The following MTHFD1L variants were observed in gnomAD, a reference collection of about 807,000 sequenced individuals.
The protein encoded by MTHFD1L is methylenetetrahydrofolate dehydrogenase (NADP+ dependent) 1 like.
In MTHFD1L, 81 loss-of-function variants were observed where a neutral mutation model predicts 119.5. That is an observed-to-expected ratio of 0.68 (90% confidence interval 0.57 to 0.82). MTHFD1L has a LOEUF of 0.82. Among genes scored for constraint, MTHFD1L ranks in the 40% least tolerant of loss-of-function variants. The pLI, the probability that MTHFD1L is intolerant of heterozygous loss-of-function variation, is 0.00. For synonymous variants in MTHFD1L, 430 were observed against 475.2 expected (o/e 0.90, Z 1.24); for missense variants, 1,125 against 1,253.4 (o/e 0.90, Z 1.55).
chr6:150,959,886 C>T (rs976784493), intron 17 of MTHFD1L, among the ~76,000 whole-genome samples: 1 of 152,224 alleles, frequency 6.6e-6, no homozygotes, highest in Non-Finnish European at 1.5e-5. Flanking sequence ...TCCCTGCCGT[C>T]ATGGCACTTA....
At chr6:150,873,572 C>G (rs1052327282) in intron 1 of MTHFD1L, among the ~76,000 whole-genome samples, 5 of 152,074 alleles carry the variant, frequency 3.3e-5, no homozygotes, top group Non-Finnish European at 5.9e-5. Context: ...AATCCTGGGC[C>G]GTATTTCCAC....
chr6:151,053,934 G>A (rs1012720753), intron 26 of MTHFD1L, among the ~76,000 whole-genome samples: 3 of 151,320 alleles, frequency 2.0e-5, no homozygotes, highest in African/African-American at 7.3e-5. Context: ...AACGGTAACT[G>A]ACTTTTTGTT....
intron 26 of MTHFD1L, among the ~76,000 whole-genome samples, chr6:151,044,161 A>G (rs1258411543): frequency 6.6e-6 from 1 of 152,100 alleles, no homozygotes; most frequent in Admixed American, 6.5e-5. Context: ...TGGAGGTCCC[A>G]GCAGCTTAGG....
At chr6:151,047,174 A>G (rs530390506) in intron 26 of MTHFD1L, among the ~76,000 whole-genome samples, 3 of 152,326 alleles carry the variant, frequency 2.0e-5, no homozygotes, top group South Asian at 4.1e-4. Context: ...AGTCTAATTG[A>G]TAGGAAAAAG....
rs1446558013 is a variant in MTHFD1L, at chr6:151,085,578, C to G, written c.2848-6889C>G. Among the ~76,000 whole-genome samples, 3 of 152,242 alleles carry G rather than the reference C, an allele frequency of 2.0e-5. No individual in the cohort carries two copies. The East Asian group carries it at 5.8e-4, about 29-fold the overall frequency. ...CTGAGGTCAGGAGTTTGAGACCAGC[C>G]TGGCCAACATGGCAAAACCCCATCT... is the stretch of plus-strand genomic sequence containing the variant. On this transcript the variant is annotated intron_variant, in intron 26 of 27. Coordinates refer to ENST00000367321, the MANE Select transcript of MTHFD1L (RefSeq NM_015440.5).
At chr6:150,974,724 CTTT>C (rs58490721) in intron 20 of MTHFD1L, among the ~76,000 whole-genome samples, 7 of 144,706 alleles carry the variant, frequency 4.8e-5, no homozygotes, top group South Asian at 2.2e-4. Flanking sequence ...AATTCTCTTC[CTTT>C]TTTTTTTTTT....
At chr6:150,980,240 C>G (rs1041116242) in intron 20 of MTHFD1L, among the ~76,000 whole-genome samples, 1 of 152,148 alleles carries the variant, frequency 6.6e-6, no homozygotes, top group Non-Finnish European at 1.5e-5. Context: ...GTTTTTCAGC[C>G]CCTGTCTTCA....
intron 26 of MTHFD1L, among the ~76,000 whole-genome samples, chr6:151,072,695 A>G (rs1043571244): frequency 1.2e-4 from 18 of 152,154 alleles, no homozygotes; most frequent in Non-Finnish European, 2.2e-4. Context: ...AGGCTGAGGC[A>G]GGAGGATCAC....
Position 150,926,192 on chromosome 6 carries a change from G to T in MTHFD1L, c.1153G>T (p.Ala385Ser). The change falls in exon 11 of 28, where the codon GCA (alanine) becomes TCA (serine). Residue 385 changes from alanine (A) to serine (S), a missense_variant. By Grantham distance (99) the Ala-to-Ser change is moderately conservative. Transcript: ENST00000367321. This position sits in a 1 kb window ranked among gnomAD's most constrained non-coding sequence, Gnocchi z 4.3. Reference sequence around the variant, plus strand: ...CCTTGCCAAGGAGATTGGATTGCTTGCAGATGAAATTGAAATCTATGGCAA... The same window carrying T: ...CCTTGCCAAGGAGATTGGATTGCTTTCAGATGAAATTGAAATCTATGGCAA... ...DVLAKEIGLL[A>S]DEIEIYGKSK... 3 of 1,614,076 alleles carry T rather than the reference G, an allele frequency of 1.9e-6. No homozygotes were observed. The highest frequency in any genetic ancestry group is 2.5e-6 in the Non-Finnish European group (3 of 1,180,002).
chr6:150,984,972 T>C (rs1778058935), intron 20 of MTHFD1L: 1 of 152,224 alleles, frequency 6.6e-6, no homozygotes, highest in Non-Finnish European at 1.5e-5. Context: ...TGCCATGTGC[T>C]GTCTGTGACC....
At chr6:150,953,511 T>A (rs1403044136) in intron 16 of MTHFD1L, among the ~76,000 whole-genome samples, 1 of 152,124 alleles carries the variant, frequency 6.6e-6, no homozygotes, top group Non-Finnish European at 1.5e-5. Flanking sequence ...AGTGAATAAG[T>A]GTTTCTTATT....
intron 7 of MTHFD1L, among the ~76,000 whole-genome samples, chr6:150,903,339 A>G (rs532371531): frequency 5.3e-4 from 80 of 149,876 alleles, no homozygotes; most frequent in African/African-American, 1.8e-3. Flanking sequence ...ATTTGGCTGC[A>G]AAGTTCTTAG....
At chr6:151,092,621 GT>G (rs1408979297) in intron 27 of MTHFD1L, 34 bp downstream of exon 27, 5 of 1,354,240 alleles carry the variant, frequency 3.7e-6, no homozygotes, top group Non-Finnish European at 3.1e-6. Flanking sequence ...TTCTCTCTTT[GT>G]TTTTTTCCAG....
chr6:151,071,233 GAGA>G (rs763276627), intron 26 of MTHFD1L, among the ~76,000 whole-genome samples: 2 of 151,698 alleles, frequency 1.3e-5, no homozygotes, highest in Non-Finnish European at 2.9e-5. Flanking sequence ...TAGAAAGAGG[GAGA>G]AGAAGTGAAA....
rs182117916 is a variant in MTHFD1L at position 151,044,078 on chromosome 6, A to C, written c.2847+6961A>C. Among the ~76,000 whole-genome samples, 979 of 152,284 alleles carry C rather than the reference A, an allele frequency of 6.4e-3. 12 individuals are homozygous for C. The highest frequency in any genetic ancestry group is 0.022 in the African/African-American group (908 of 41,570). ...TGCCATGTAGGGCACCTCTGGGGGC[A>C]GGGTGGCTCCTGGCACTGTGGAGAA... On this transcript the variant is annotated intron_variant, in intron 26 of 27. Transcript: ENST00000367321.
intron 8 of MTHFD1L, 118 bp from the exon 9 acceptor site, chr6:150,918,459 C>G (rs142375466): frequency 9.5e-5 from 73 of 769,460 alleles, no homozygotes; most frequent in Middle Eastern, 2.4e-4. Flanking sequence ...GCCCCGACAT[C>G]CTAACTTCCT....
intron 26 of MTHFD1L, among the ~76,000 whole-genome samples, chr6:151,048,784 C>T (rs1788512377): frequency 6.6e-6 from 1 of 152,206 alleles, no homozygotes; most frequent in Non-Finnish European, 1.5e-5. Context: ...TCAAATATCC[C>T]ACTGTAAAGC....
chr6:150,891,798 A>G (rs568962202), intron 7 of MTHFD1L, among the ~76,000 whole-genome samples: 1 of 152,278 alleles, frequency 6.6e-6, no homozygotes, highest in African/African-American at 2.4e-5. Context: ...CATTTTAAAA[A>G]ATGATGGTAC....
chr6:151,015,583 G>T lies in MTHFD1L; in HGVS notation c.2476G>T (p.Val826Phe). The change falls in exon 24 of 28, where the codon GTC becomes TTC. Residue 826 changes from valine to phenylalanine, a missense_variant. Transcript: ENST00000367321. ...AAAGCGGGCTGGTGCCTTTGATGCAGTCCCCTGCTATCACTGGTCCGTTGG... is the reference window on the plus strand; with the variant it reads ...AAAGCGGGCTGGTGCCTTTGATGCATTCCCCTGCTATCACTGGTCCGTTGG... Reference protein sequence around the residue: ...LAKRAGAFDAVPCYHWSVGGK... With the variant: ...LAKRAGAFDAFPCYHWSVGGK... The T allele has an allele frequency of 6.2e-7, 1 of 1,614,156 alleles. No individual in the cohort carries two copies. Among genetic ancestry groups the T allele is most frequent in the Non-Finnish European group, 8.5e-7 (1 of 1,180,038 alleles).
Sources: allele counts gnomAD v4.1 joint callset (sites outside exome capture counted in the v4.1 genomes callset), GRCh38; gene constraint gnomAD v4.1.1; non-coding constraint Gnocchi (gnomAD v3.1); transcripts MANE v1.5; gene names NCBI Gene and HGNC (gene_info 2026-07-23, HGNC 2026-07-21).